CCDC102A: variants seen among roughly 807,000 people sequenced by gnomAD.
CCDC102A encodes the protein coiled-coil domain-containing protein 102A.
In CCDC102A, 40 loss-of-function variants were observed where a neutral mutation model predicts 55.5. The ratio of observed to expected loss-of-function variants is 0.72; its 90% CI spans 0.56 to 0.94. CCDC102A has a LOEUF of 0.94. Ranked by LOEUF, CCDC102A falls within the 40% of genes least tolerant of loss-of-function variation. The pLI is 0.00. For missense variants in CCDC102A, 779 were observed against 768.6 expected (o/e 1.01, Z -0.16); for synonymous variants, 323 against 339.0 (o/e 0.95, Z 0.52).
chr16:57,517,105 C>T (rs2031968678), intron 6 of CCDC102A, among the ~76,000 whole-genome samples: 2 of 152,214 alleles, frequency 1.3e-5, no homozygotes, highest in African/African-American at 4.8e-5. Context: ...CATCCTCTGC[C>T]CACACAGCCT....
intron 4 of CCDC102A, 132 bp from the exon 5 acceptor site, chr16:57,518,873 G>A: frequency 1.5e-6 from 1 of 661,138 alleles, no homozygotes; most frequent in Non-Finnish European, 2.7e-6. Flanking sequence ...CAGGCACCAG[G>A]TATTCCAAAC....
rs768925485 is a variant in CCDC102A at position 57,515,321 on chromosome 16, G to C, written c.1523+20C>G. ...GGCTGGAAGTCTCTGCCCTGTTTCTGTTCCCTGCCCGGGGCCCACCTGGAC... is the reference window on the plus strand; with the variant it reads ...GGCTGGAAGTCTCTGCCCTGTTTCTCTTCCCTGCCCGGGGCCCACCTGGAC... On this transcript the variant is annotated intron_variant, in intron 8 of 8. Transcript: ENST00000258214. 2 of 1,479,764 alleles carry C rather than the reference G, an allele frequency of 1.4e-6. No individual in the cohort carries two copies. The highest frequency in any genetic ancestry group is 1.9e-6 in the Non-Finnish European group (2 of 1,074,802). The allele number at this position is 1,479,764 out of a possible 1,614,324, so 91.7% of individuals were successfully genotyped here. A position where few individuals can be genotyped will look rare whatever the true frequency, so the allele number is the denominator to read the frequency against.
chr16:57,519,045 C>G (rs2032005030), intron 4 of CCDC102A, among the ~76,000 whole-genome samples: 1 of 152,210 alleles, frequency 6.6e-6, no homozygotes, highest in Non-Finnish European at 1.5e-5. Flanking sequence ...TACCACCCTC[C>G]TCCCACAAAG....
At chr16:57,531,647 G>A (rs2032265611) in intron 1 of CCDC102A, among the ~76,000 whole-genome samples, 1 of 151,908 alleles carries the variant, frequency 6.6e-6, no homozygotes, top group African/African-American at 2.4e-5. Flanking sequence ...CTCCCTCTAG[G>A]ACTCAACTCC....
intron 1 of CCDC102A, among the ~76,000 whole-genome samples, chr16:57,535,118 G>A (rs1339233318): frequency 6.6e-6 from 1 of 152,214 alleles, no homozygotes; most frequent in African/African-American, 2.4e-5. Flanking sequence ...GAGCCCAGTG[G>A]GAAACCACAG....
chr16:57,532,736 G>C (rs1463351922), intron 1 of CCDC102A, among the ~76,000 whole-genome samples: 2 of 146,364 alleles, frequency 1.4e-5, no homozygotes, highest in Non-Finnish European at 3.0e-5. Context: ...CACACACACA[G>C]AGGCAGACAC....
rs1160709996 is a variant in CCDC102A at position 57,516,907 on chromosome 16, C to G, written c.1249-444G>C. On this transcript the variant is annotated intron_variant, in intron 6 of 8. Coordinates refer to ENST00000258214, the MANE Select transcript of CCDC102A (RefSeq NM_033212.4). The surrounding 1 kb of genome is among the most constrained non-coding windows in gnomAD (Gnocchi z 4.4). ...GGAAGGGCAGCCAGCAAAAGAGATG[C>G]CCACCCTGGAGCTCTGTGAGTTCTC... Among the ~76,000 whole-genome samples, 1 of 152,134 alleles carries G rather than the reference C, an allele frequency of 6.6e-6. No individual in the cohort carries two copies. The highest frequency in any genetic ancestry group is 2.4e-5 in the African/African-American group (1 of 41,406).
chr16:57,513,481 C>T (rs1433487444), intron 8 of CCDC102A, among the ~76,000 whole-genome samples: 3 of 152,200 alleles, frequency 2.0e-5, no homozygotes, highest in African/African-American at 7.2e-5. Flanking sequence ...GGGGCACAGG[C>T]GGGGGCCTCC....
intron 8 of CCDC102A, among the ~76,000 whole-genome samples, chr16:57,513,150 C>T (rs369153185): frequency 6.6e-6 from 1 of 152,122 alleles, no homozygotes; most frequent in Non-Finnish European, 1.5e-5. Context: ...AGCAGCTGGG[C>T]GGTTAGAGAG....
At position 57,529,185 on chromosome 16, in the gene CCDC102A, CCGGGCGGGCCCTGAGCTCGAACTCG is replaced by C. The variant is rs1186179772; in HGVS notation, c.-33_-9del. On this transcript the variant is annotated 5_prime_UTR_variant, in exon 2 of 9. Coordinates refer to ENST00000258214, the MANE Select transcript of CCDC102A (RefSeq NM_033212.4). The surrounding 1 kb of genome is among the most constrained non-coding windows in gnomAD (Gnocchi z 4.1). ...GCTGGGCCCGTGGCTCATGGTGCGGCCGGGCGGGCCCTGAGCTCGAACTCGCGGTCGGGCTCAGGGGCGGCTCCGG... is the reference window on the plus strand; with the variant it reads ...GCTGGGCCCGTGGCTCATGGTGCGGCCGGTCGGGCTCAGGGGCGGCTCCGG... 8.5e-7 allele frequency: 1 copy of C among 1,178,590 alleles called. No individual in the cohort carries two copies. The highest frequency in any genetic ancestry group is 1.0e-6 in the Non-Finnish European group (1 of 953,208). 73.0% of individuals were successfully genotyped at this position (1,178,590 alleles called of 1,614,324 possible).
rs2146713270 is a variant in CCDC102A, at chr16:57,528,833, G to T, written c.345C>A (p.Arg115=). 1 of 1,291,800 alleles carries T rather than the reference G, an allele frequency of 7.7e-7. No homozygotes were observed. The allele number at this position is 1,291,800 out of a possible 1,614,324, so 80.0% of individuals were successfully genotyped here. A position where few individuals can be genotyped will look rare whatever the true frequency, so the allele number is the denominator to read the frequency against. The part of the protein sequence containing the change: ...REKWSKVRAE[R]NRAREEVRQL... ...GGCGCACCTCCTCGCGCGCGCGGTT[G>T]CGCTCAGCGCGCACCTTGCTCCATT... Residue 115 remains arginine (R), a synonymous_variant, in exon 2 of 9, where the codon CGC becomes CGA. Coordinates refer to ENST00000258214, the MANE Select transcript of CCDC102A (RefSeq NM_033212.4).
At chr16:57,522,064 C>T (rs567239087) in intron 3 of CCDC102A, among the ~76,000 whole-genome samples, 1 of 152,372 alleles carries the variant, frequency 6.6e-6, no homozygotes, top group African/African-American at 2.4e-5. Flanking sequence ...AGGATGCATC[C>T]TGCATCCTAC....
At chr16:57,521,572 T>A (rs1217026274) in intron 3 of CCDC102A, among the ~76,000 whole-genome samples, 1 of 152,208 alleles carries the variant, frequency 6.6e-6, no homozygotes, top group Admixed American at 6.5e-5. Flanking sequence ...ACCACCCTGC[T>A]CCTGTCTGTT....
chr16:57,517,490 G>A (rs2031974543), intron 6 of CCDC102A, among the ~76,000 whole-genome samples: 1 of 152,068 alleles, frequency 6.6e-6, no homozygotes, highest in East Asian at 1.9e-4. Context: ...GGGATTACAG[G>A]TGCCCACAAT....
rs1598070355 is a variant in CCDC102A at position 57,516,306 on chromosome 16, T to C, written c.1406A>G (p.Gln469Arg). 1 of 1,605,558 alleles carries C rather than the reference T, an allele frequency of 6.2e-7. No homozygotes were observed. The highest frequency in any genetic ancestry group is 2.2e-5 in the East Asian group (1 of 44,892). ...RVEELKKELA[Q>R]AEDELDEAHN... ...TGTGGTCCTCACCTCGTCCTCAGCC[T>C]GGGCCAGCTCCTTCTTGAGCTCCTC... The change falls in exon 7 of 9, where the codon CAG (glutamine) becomes CGG (arginine). Residue 469 changes from glutamine (Q) to arginine (R), a missense_variant. Gln to Arg is a conservative substitution (Grantham distance 43). Coordinates refer to ENST00000258214, the MANE Select transcript of CCDC102A (RefSeq NM_033212.4). The surrounding 1 kb of genome is among the most constrained non-coding windows in gnomAD (Gnocchi z 4.4).
At chr16:57,531,814 C>T (rs1450904673) in intron 1 of CCDC102A, among the ~76,000 whole-genome samples, 1 of 152,202 alleles carries the variant, frequency 6.6e-6, no homozygotes, top group Non-Finnish European at 1.5e-5. Context: ...TCTGGCTTCT[C>T]CTGGCAAACG....
chr16:57,526,272 G>A (rs2094277014), intron 2 of CCDC102A, 145 bp from the exon 3 acceptor site: 2 of 622,834 alleles, frequency 3.2e-6, no homozygotes, highest in Non-Finnish European at 5.5e-6. Flanking sequence ...TCCATCTCTG[G>A]AGAAGGAAGA....
intron 3 of CCDC102A, among the ~76,000 whole-genome samples, chr16:57,521,441 G>A (rs116952901): frequency 0.079 from 12,017 of 152,180 alleles, 617 homozygotes; most frequent in East Asian, 0.19. Context: ...GCATCCCCGG[G>A]CAAGTACCTC....
intron 3 of CCDC102A, among the ~76,000 whole-genome samples, chr16:57,522,496 C>T (rs578005123): frequency 6.6e-6 from 1 of 152,320 alleles, no homozygotes; most frequent in African/African-American, 2.4e-5. Context: ...TCAAGCGATC[C>T]TGCCACCTCG....
Sources: gnomAD v4.1 joint callset for allele counts (sites outside exome capture counted in the v4.1 genomes callset) on GRCh38, gnomAD v4.1.1 for gene constraint, Gnocchi (gnomAD v3.1) non-coding constraint, MANE v1.5 for transcripts, NCBI Gene and HGNC (gene_info 2026-07-23, HGNC 2026-07-21) for gene names.